DLEC1: variants seen among roughly 807,000 people sequenced by gnomAD.
DLEC1 encodes the protein deleted in lung and esophageal cancer protein 1.
Under a neutral mutation model 198.1 loss-of-function variants are expected in DLEC1, and 146 were observed. The observed-to-expected ratio is 0.74, with a 90% CI of 0.64 to 0.85. The LOEUF (loss-of-function observed/expected upper bound fraction) is 0.85, where lower values mean the gene tolerates loss of function less well. Among genes scored for constraint, DLEC1 ranks in the 40% least tolerant of loss-of-function variants. DLEC1 has a pLI of 0.00. For synonymous variants in DLEC1, 897 were observed against 866.8 expected (o/e 1.03, Z -0.61); for missense variants, 2,233 against 2,220.0 (o/e 1.01, Z -0.12).
At position 38,060,360 on chromosome 3, in the gene DLEC1, G is replaced by T. The variant is rs151263796; in HGVS notation, c.673+508G>T. 2.0e-5 allele frequency among the ~76,000 whole-genome samples: 3 copies of T among 152,266 alleles called. No homozygotes were observed. The East Asian group carries it at 5.8e-4, about 29-fold the overall frequency. On this transcript the variant is annotated intron_variant, in intron 3 of 36. Coordinates refer to ENST00000308059, the MANE Select transcript of DLEC1 (RefSeq NM_007335.4). The stretch of plus-strand genomic sequence containing the variant: ...GAGGCAAGATATTCTGAGAATGAGT[G>T]GGGTGGGAGGCTGTGATGTGGGCTT...
At chr3:38,063,418 T>G (rs1696803307) in intron 5 of DLEC1, among the ~76,000 whole-genome samples, 1 of 152,008 alleles carries the variant, frequency 6.6e-6, no homozygotes, top group Non-Finnish European at 1.5e-5. Flanking sequence ...GAGCCAAGAT[T>G]GTGCCACTGC....
chr3:38,062,459 A>G, intron 4 of DLEC1, 91 bp downstream of exon 4: 1 of 1,576,656 alleles, frequency 6.3e-7, no homozygotes, highest in Non-Finnish European at 8.7e-7. Context: ...AGCTGTGATG[A>G]ATCCATCGCA....
At chr3:38,051,988 C>A (rs1201537275) in intron 2 of DLEC1, 1 of 188,876 alleles carries the variant, frequency 5.3e-6, no homozygotes, top group Non-Finnish European at 1.1e-5. Flanking sequence ...ACGTGGTAGA[C>A]ATCAAACCTG....
intron 19 of DLEC1, among the ~76,000 whole-genome samples, chr3:38,107,229 C>T (rs1396371862): frequency 1.3e-5 from 2 of 152,100 alleles, no homozygotes; most frequent in African/African-American, 4.8e-5. Context: ...GGGGAAGTAA[C>T]CATTCTGAAA....
At chr3:38,102,356 A>T (rs1194394497) in intron 19 of DLEC1, among the ~76,000 whole-genome samples, 1 of 152,010 alleles carries the variant, frequency 6.6e-6, no homozygotes, top group Non-Finnish European at 1.5e-5. Context: ...GACAGGGAGG[A>T]TCTGTCTCCA....
At chr3:38,115,874 T>C (rs1700130256) in intron 27 of DLEC1, among the ~76,000 whole-genome samples, 1 of 151,676 alleles carries the variant, frequency 6.6e-6, no homozygotes. Context: ...CAGCTTAGGT[T>C]GGGGACAGAT....
intron 10 of DLEC1, among the ~76,000 whole-genome samples, chr3:38,089,674 C>G (rs1405741994): frequency 6.6e-6 from 1 of 152,176 alleles, no homozygotes; most frequent in East Asian, 1.9e-4. Context: ...TGGAGCTGCT[C>G]TGCCCTGGAC....
In DLEC1 at chr3:38,093,631, C is replaced by T; in HGVS notation, c.1783C>T (p.Leu595=). The T allele has an allele frequency of 6.2e-7, 1 of 1,614,226 alleles. No homozygotes were observed. Among genetic ancestry groups the T allele is most frequent in the Non-Finnish European group, 8.5e-7 (1 of 1,180,042 alleles). ...AATTGGGCAGCTGATTGCTTTGGAT[C>T]TGATCTATATTTCTGGTGAAAAAAG... ...IGIGQLIALD[L]IYISGEKSQP... The change falls in exon 12 of 37, where the codon CTG becomes TTG. Residue 595 remains leucine (L), a synonymous_variant. Coordinates refer to ENST00000308059, the MANE Select transcript of DLEC1 (RefSeq NM_007335.4).
Position 38,084,537 on chromosome 3 carries a change from G to A in DLEC1, c.1261+292G>A, listed in dbSNP as rs968137538. ...AGTAGTGGTAGTAGTAGTAGTGGTG[G>A]TGGTAGTAGTAGTGGTAGTAGTAGT... On this transcript the variant is annotated intron_variant, in intron 7 of 36. Transcript: ENST00000308059. Among the ~76,000 whole-genome samples the A allele has an allele frequency of 2.0e-5, 3 of 150,602 alleles. 1 individual carries two copies. The highest frequency in any genetic ancestry group is 4.4e-5 in the Non-Finnish European group (3 of 67,708).
intron 19 of DLEC1, among the ~76,000 whole-genome samples, chr3:38,100,979 C>A (rs1229256602): frequency 6.6e-6 from 1 of 152,192 alleles, no homozygotes; most frequent in African/African-American, 2.4e-5. Flanking sequence ...CGCTCCCCCA[C>A]TTCCCTCCTT....
intron 6 of DLEC1, among the ~76,000 whole-genome samples, chr3:38,083,274 G>C (rs1284669303): frequency 2.0e-5 from 3 of 151,250 alleles, no homozygotes; most frequent in Admixed American, 2.0e-4. Context: ...TCTGAAAAGA[G>C]AGTCAGCGAA....
intron 2 of DLEC1, among the ~76,000 whole-genome samples, chr3:38,058,899 T>A (rs1487121063): frequency 6.6e-6 from 1 of 152,160 alleles, no homozygotes; most frequent in Non-Finnish European, 1.5e-5. Context: ...AGTCTATTTT[T>A]AAAAAAGCCT....
intron 6 of DLEC1, among the ~76,000 whole-genome samples, chr3:38,073,234 C>A (rs552017267): frequency 6.6e-6 from 1 of 152,160 alleles, no homozygotes; most frequent in Non-Finnish European, 1.5e-5. Flanking sequence ...GGATGGATGG[C>A]AAAACAATTT....
rs898659541 is a variant in DLEC1, at chr3:38,122,721, C to A, written c.*309C>A. The A allele has an allele frequency of 5.9e-6, 8 of 1,365,526 alleles. No homozygotes were observed. The Admixed American group carries it at 8.9e-5, about 15-fold the overall frequency. 84.6% of individuals were successfully genotyped at this position (1,365,526 alleles called of 1,614,324 possible). ...AAAACCACAGCCACTAAGATAAATTCATGCACTTTTACTATGCCCATTGCA... is the reference window on the plus strand; with the variant it reads ...AAAACCACAGCCACTAAGATAAATTAATGCACTTTTACTATGCCCATTGCA... On this transcript the variant is annotated 3_prime_UTR_variant, in exon 37 of 37. Coordinates refer to ENST00000308059, the MANE Select transcript of DLEC1 (RefSeq NM_007335.4).
intron 10 of DLEC1, among the ~76,000 whole-genome samples, chr3:38,091,400 G>C (rs1354469115): frequency 6.6e-6 from 1 of 152,116 alleles, no homozygotes; most frequent in Non-Finnish European, 1.5e-5. Context: ...GGTGTTAGAG[G>C]CTGCAGTGAG....
In DLEC1 at chr3:38,039,540, A is replaced by T. The variant is rs7616776; in HGVS notation, c.315A>T (p.Ser105=). 0.31 allele frequency: 499,458 copies of T among 1,613,844 alleles called. 79,546 individuals carry two copies. Among genetic ancestry groups the T allele is most frequent in the East Asian group, 0.51 (23,084 of 44,874 alleles). ...CCGGCGTCTTCCGCAACTTGTACTC[A>T]GCCGAGGTCATCGGCGACGAAGTGA... ...LLTGVFRNLY[S]AEVIGDEVSA... Residue 105 remains serine, a synonymous_variant, in exon 1 of 37, where the codon TCA becomes TCT. Transcript: ENST00000308059.
At position 38,054,077 on chromosome 3, in the gene DLEC1, G is replaced by C. The variant is rs534754645; in HGVS notation, c.563-5665G>C. Reference sequence around the variant, plus strand: ...ACTGCGGAAGGCCGCAGGGTCCTCTGCCTAGGAAAACCAGAGACCCTTGTT... The same window carrying C: ...ACTGCGGAAGGCCGCAGGGTCCTCTCCCTAGGAAAACCAGAGACCCTTGTT... On this transcript the variant is annotated intron_variant, in intron 2 of 36. Coordinates refer to ENST00000308059, the MANE Select transcript of DLEC1 (RefSeq NM_007335.4). Among the ~76,000 whole-genome samples, 7 of 152,078 alleles carry C rather than the reference G, an allele frequency of 4.6e-5. No individual in the cohort carries two copies. The East Asian group carries it at 1.2e-3, about 25-fold the overall frequency.
chr3:38,109,643 G>A, intron 22 of DLEC1, 81 bp downstream of exon 22: 2 of 1,598,920 alleles, frequency 1.3e-6, no homozygotes, highest in Non-Finnish European at 1.7e-6. Context: ...ACGGCACTGT[G>A]GTATCAGTCT....
At chr3:38,069,863 G>T (rs930087333) in intron 6 of DLEC1, among the ~76,000 whole-genome samples, 1 of 152,162 alleles carries the variant, frequency 6.6e-6, no homozygotes, top group African/African-American at 2.4e-5. Flanking sequence ...TGATGTAAAT[G>T]CTGATTTAGG....
Sources: gnomAD v4.1 joint callset for allele counts (sites outside exome capture counted in the v4.1 genomes callset) on GRCh38, gnomAD v4.1.1 for gene constraint, MANE v1.5 for transcripts, NCBI Gene and HGNC (gene_info 2026-07-23, HGNC 2026-07-21) for gene names.